Variants in RXRA observed in about 807,000 individuals in gnomAD.
RXRA encodes the protein retinoid X receptor alpha.
Under a neutral mutation model 44.5 loss-of-function variants are expected in RXRA, and 5 were observed. The observed-to-expected ratio is 0.11, with a 90% CI of 0.06 to 0.24. RXRA has a LOEUF of 0.24. RXRA is among the 10% of genes least tolerant of loss of function. RXRA has a pLI of 1.00. For synonymous variants in RXRA, 291 were observed against 271.4 expected, an observed-to-expected ratio of 1.07 and a Z score of -0.71; for missense variants, 412 against 646.5, an observed-to-expected ratio of 0.64 and a Z score of 3.93.
chr9:134,411,436 C>T (rs1831147145), intron 4 of RXRA, among the ~76,000 whole-genome samples: 2 of 152,222 alleles, frequency 1.3e-5, no homozygotes, highest in African/African-American at 2.4e-5. Context: ...CCTTCCTGAT[C>T]CCCACACATG....
chr9:134,338,915 C>A (rs1314637456), intron 1 of RXRA, among the ~76,000 whole-genome samples: 1 of 152,234 alleles, frequency 6.6e-6, no homozygotes, highest in Admixed American at 6.5e-5. Context: ...GACCCCTCTG[C>A]CCTCCCTCAG....
chr9:134,424,146 G>T, intron 6 of RXRA: 1 of 985,384 alleles, frequency 1.0e-6, no homozygotes, highest in Non-Finnish European at 1.2e-6. Context: ...GCAGTGCTGA[G>T]GTTAGAGGGT....
chr9:134,430,220 C>A (rs1033176496), intron 7 of RXRA, among the ~76,000 whole-genome samples: 2 of 152,214 alleles, frequency 1.3e-5, no homozygotes, highest in African/African-American at 2.4e-5. Context: ...GTCTAGAGAG[C>A]CACACACACC....
intron 1 of RXRA, among the ~76,000 whole-genome samples, chr9:134,331,921 C>A: frequency 6.6e-6 from 1 of 152,224 alleles, no homozygotes; most frequent in East Asian, 1.9e-4. Flanking sequence ...GGGTCTATGC[C>A]CCATGCTGGT....
chr9:134,336,058 A>G lies in RXRA; in HGVS notation c.28+9399A>G, dbSNP rs530003966. ...GGAGCTGCCCCTACCCCACCCCTTC[A>G]TGGACTTTCTGCCCAGGATCAAGGT... On this transcript the variant is annotated intron_variant, in intron 1 of 9. Transcript: ENST00000481739. Among the ~76,000 whole-genome samples, 656 of 152,158 alleles carry G rather than the reference A, an allele frequency of 4.3e-3. 8 individuals carry two copies. Among genetic ancestry groups the G allele is most frequent in the African/African-American group, 0.015 (631 of 41,524 alleles).
rs560419120 is a variant in RXRA, at chr9:134,329,471, G to T, written c.28+2812G>T. Among the ~76,000 whole-genome samples, 4 of 152,368 alleles carry T rather than the reference G, an allele frequency of 2.6e-5. No homozygotes were observed. The East Asian group carries it at 7.7e-4, about 29-fold the overall frequency. On this transcript the variant is annotated intron_variant, in intron 1 of 9. Coordinates refer to ENST00000481739, the MANE Select transcript of RXRA (RefSeq NM_002957.6). ...CCCAGTCCGATGGTGGCCCTGGCTT[G>T]CTAGCCTCCAACCTTGCCTAGGGCT... is the stretch of plus-strand genomic sequence containing the variant.
chr9:134,370,753 C>T (rs546556854), intron 1 of RXRA, among the ~76,000 whole-genome samples: 2 of 152,334 alleles, frequency 1.3e-5, no homozygotes, highest in East Asian at 1.9e-4. Flanking sequence ...CGCTGTGTGG[C>T]GGCGCCGGGT....
At chr9:134,385,278 A>C (rs979957689) in intron 1 of RXRA, among the ~76,000 whole-genome samples, 2 of 152,190 alleles carry the variant, frequency 1.3e-5, no homozygotes, top group African/African-American at 4.8e-5. Context: ...CCATTGGCTG[A>C]TGGGCCACAA....
In RXRA at chr9:134,379,206, C is replaced by T. The variant is rs934908951; in HGVS notation, c.29-22426C>T. 22 of 926,400 alleles carry T rather than the reference C, an allele frequency of 2.4e-5. 1 individual carries two copies. The Admixed American group carries it at 6.8e-4, about 29-fold the overall frequency. 57.4% of individuals were successfully genotyped at this position (926,400 alleles called of 1,614,324 possible). ...CTGTTCTCGGTTGGACCTGCTTGTCCGTGCTTAACTGGGCCTTTCCTGATC... is the reference window on the plus strand; with the variant it reads ...CTGTTCTCGGTTGGACCTGCTTGTCTGTGCTTAACTGGGCCTTTCCTGATC... On this transcript the variant is annotated intron_variant, in intron 1 of 9. Transcript: ENST00000481739.
intron 1 of RXRA, among the ~76,000 whole-genome samples, chr9:134,379,114 C>T (rs372117897): frequency 2.6e-5 from 4 of 152,168 alleles, no homozygotes; most frequent in African/African-American, 7.2e-5. Flanking sequence ...GTGGGGCCAC[C>T]CGGCTCCTCC....
At chr9:134,416,397 G>A (rs1230758004) in intron 4 of RXRA, among the ~76,000 whole-genome samples, 1 of 152,200 alleles carries the variant, frequency 6.6e-6, no homozygotes, top group Non-Finnish European at 1.5e-5. Flanking sequence ...TGCAAGCATC[G>A]CTCTATTTTG....
intron 1 of RXRA, among the ~76,000 whole-genome samples, chr9:134,362,035 C>G (rs1830358500): frequency 6.6e-6 from 1 of 152,200 alleles, no homozygotes; most frequent in Non-Finnish European, 1.5e-5. Context: ...GAGCCCCAAT[C>G]TGTCTCCCAG....
intron 4 of RXRA, among the ~76,000 whole-genome samples, chr9:134,415,911 T>C (rs1049054854): frequency 3.3e-5 from 5 of 152,182 alleles, no homozygotes; most frequent in African/African-American, 4.8e-5. Context: ...GTTTACTCAC[T>C]TAGACCAGTC....
intron 1 of RXRA, among the ~76,000 whole-genome samples, chr9:134,381,831 G>T (rs556382882): frequency 2.0e-5 from 3 of 152,260 alleles, no homozygotes; most frequent in Middle Eastern, 3.4e-3. Flanking sequence ...TGCACCTTAG[G>T]TGCTCCGTCG....
At chr9:134,419,225 G>A (rs1831288038) in intron 5 of RXRA, among the ~76,000 whole-genome samples, 1 of 152,250 alleles carries the variant, frequency 6.6e-6, no homozygotes, top group Admixed American at 6.5e-5. Flanking sequence ...GTGGCTGTGA[G>A]GGTTTCATGA....
intron 1 of RXRA, among the ~76,000 whole-genome samples, 199 bp downstream of exon 1, chr9:134,326,858 C>T (rs1393594024): frequency 2.9e-5 from 2 of 70,078 alleles, no homozygotes; most frequent in East Asian, 3.9e-4. Context: ...GGGGCCGGGG[C>T]GGGGCTGGGC....
In RXRA at chr9:134,365,964, C is replaced by T. The variant is rs1369259021; in HGVS notation, c.29-35668C>T. On this transcript the variant is annotated intron_variant, in intron 1 of 9. Transcript: ENST00000481739. This position sits in a 1 kb window ranked among gnomAD's most constrained non-coding sequence, Gnocchi z 4.0. ...TGCCTCCAGTCAGGCGTCCGCTGAGCGACCCCTAGGAGCCGCCTGTCTTTG... is the reference window on the plus strand; with the variant it reads ...TGCCTCCAGTCAGGCGTCCGCTGAGTGACCCCTAGGAGCCGCCTGTCTTTG... 6.6e-6 allele frequency among the ~76,000 whole-genome samples: 1 copy of T among 152,084 alleles called. No homozygotes were observed. The highest frequency in any genetic ancestry group is 2.4e-5 in the African/African-American group (1 of 41,388).
chr9:134,380,295 C>T, intron 1 of RXRA: 2 of 701,872 alleles, frequency 2.8e-6, no homozygotes, highest in Non-Finnish European at 3.5e-6. Flanking sequence ...GGCTGGCCTG[C>T]CCGTGGCTTG....
intron 1 of RXRA, among the ~76,000 whole-genome samples, chr9:134,337,101 G>A (rs1215682872): frequency 2.0e-5 from 3 of 152,194 alleles, no homozygotes; most frequent in Non-Finnish European, 2.9e-5. Flanking sequence ...GGCTGCCACC[G>A]GCTGCTGGAC....
Sources: allele counts gnomAD v4.1 joint callset (sites outside exome capture counted in the v4.1 genomes callset), GRCh38; gene constraint gnomAD v4.1.1; non-coding constraint Gnocchi (gnomAD v3.1); transcripts MANE v1.5; gene names NCBI Gene and HGNC (gene_info 2026-07-23, HGNC 2026-07-21).